Variants in MTCH1 observed in about 807,000 individuals in gnomAD.
MTCH1 encodes mitochondrial carrier 1.
MTCH1 carries 23 observed loss-of-function variants against 49.3 expected under a neutral mutation model. The ratio of observed to expected loss-of-function variants is 0.47; its 90% CI spans 0.34 to 0.66. MTCH1 has a LOEUF of 0.66. Among genes scored for constraint, MTCH1 ranks in the 30% least tolerant of loss-of-function variants. The pLI, the probability that MTCH1 is intolerant of heterozygous loss-of-function variation, is 0.01. For missense variants in MTCH1, 397 were observed against 532.1 expected (o/e 0.75, Z 2.50); for synonymous variants, 229 against 215.2 (o/e 1.06, Z -0.56).
chr6:36,976,590 G>C, intron 6 of MTCH1: 1 of 470,964 alleles, frequency 2.1e-6, no homozygotes, highest in Non-Finnish European at 4.4e-6. Context: ...TGGTGGCCCC[G>C]CAGGACAGCT....
rs1764152028 is a variant in MTCH1 at position 36,982,873 on chromosome 6, C to T, written c.322-1201G>A. Among the ~76,000 whole-genome samples, 2 of 152,210 alleles carry T rather than the reference C, an allele frequency of 1.3e-5. No homozygotes were observed. The highest frequency in any genetic ancestry group is 4.1e-4 in the South Asian group (2 of 4,830). ...CTTGGCAAGGGGCCAGGATACCAGCCCTGTGCCCTCTAAGCAGGCCAGCTG... is the reference window on the plus strand; with the variant it reads ...CTTGGCAAGGGGCCAGGATACCAGCTCTGTGCCCTCTAAGCAGGCCAGCTG... On this transcript the variant is annotated intron_variant, in intron 1 of 11. Coordinates refer to ENST00000373627, the MANE Select transcript of MTCH1 (RefSeq NM_001271641.2). This position sits in a 1 kb window ranked among gnomAD's most constrained non-coding sequence, Gnocchi z 4.1.
chr6:36,976,424 A>G (rs1561907582), intron 6 of MTCH1: 1 of 423,434 alleles, frequency 2.4e-6, no homozygotes, highest in Non-Finnish European at 5.0e-6. Flanking sequence ...AGATCATCCC[A>G]GCCCTGCCAG....
chr6:36,980,129 G>T (rs1331737215), intron 2 of MTCH1, among the ~76,000 whole-genome samples: 1 of 152,208 alleles, frequency 6.6e-6, no homozygotes, highest in Non-Finnish European at 1.5e-5. Context: ...TCCAGAGTAG[G>T]CCTGGTGTCC....
intron 8 of MTCH1, 110 bp from the exon 9 acceptor site, chr6:36,970,804 G>A (rs1193133867): frequency 2.5e-6 from 3 of 1,204,558 alleles, no homozygotes; most frequent in East Asian, 2.5e-5. Context: ...CAAGCACGCT[G>A]CACATGCCTT....
In MTCH1 at chr6:36,972,690, G is replaced by T. The variant is rs907261828; in HGVS notation, c.868C>A (p.Pro290Thr). The change falls in exon 8 of 12, where the codon CCA becomes ACA. Residue 290 changes from proline (P) to threonine (T), a missense_variant. Around this residue, in one of 2 missense-constraint regions of MTCH1, gnomAD observed 252 missense variants for 388.3 expected, o/e 0.65. Transcript: ENST00000373627. This position sits in a 1 kb window ranked among gnomAD's most constrained non-coding sequence, Gnocchi z 4.1. ...YLVDDSVSDT[P>T]GGLGNDQNPG... ...TTCTGGTCGTTTCCCAGCCCCCCTG[G>T]GGTGTCACTCACGCTGTCATCCACC... The T allele has an allele frequency of 1.3e-6, 2 of 1,551,628 alleles. No individual in the cohort carries two copies. Among genetic ancestry groups the T allele is most frequent in the Non-Finnish European group, 1.7e-6 (2 of 1,146,976 alleles).
intron 7 of MTCH1, among the ~76,000 whole-genome samples, chr6:36,973,486 T>TA (rs558142503): frequency 0.038 from 5,655 of 148,146 alleles, 282 homozygotes; most frequent in African/African-American, 0.11. Flanking sequence ...GTTTTTGAAT[T>TA]AAAAAAAAAA....
intron 1 of MTCH1, among the ~76,000 whole-genome samples, chr6:36,985,062 T>A (rs1764247615): frequency 7.4e-6 from 1 of 135,562 alleles, no homozygotes; most frequent in South Asian, 2.5e-4. Flanking sequence ...CCCCCAATGC[T>A]GGCCCTATCT....
rs776741124 is a variant in MTCH1, at chr6:36,972,686, C to G, written c.872G>C (p.Gly291Ala). The change falls in exon 8 of 12, where the codon GGG becomes GCG. Residue 291 changes from glycine (G) to alanine (A), a missense_variant. Gly to Ala is a moderately conservative substitution (Grantham distance 60, BLOSUM62 0). Around this residue, in one of 2 missense-constraint regions of MTCH1, gnomAD observed 252 missense variants for 388.3 expected, o/e 0.65. Transcript: ENST00000373627. The surrounding 1 kb of genome is among the most constrained non-coding windows in gnomAD (Gnocchi z 4.1). Reference protein sequence around the residue: ...LVDDSVSDTPGGLGNDQNPGS... With the variant: ...LVDDSVSDTPAGLGNDQNPGS... ...TGGATTCTGGTCGTTTCCCAGCCCC[C>G]CTGGGGTGTCACTCACGCTGTCATC... 11 of 1,551,738 alleles carry G rather than the reference C, an allele frequency of 7.1e-6. No individual in the cohort carries two copies. In the Admixed American group the frequency reaches 2.2e-4, roughly 30 times the overall value.
chr6:36,970,843 G>T, intron 8 of MTCH1, 149 bp from the exon 9 acceptor site: 1 of 901,118 alleles, frequency 1.1e-6, no homozygotes, highest in Non-Finnish European at 1.7e-6. Context: ...TCACTGCCCA[G>T]AGAAGGCCTG....
At chr6:36,978,242 A>C in intron 3 of MTCH1, 87 bp from the exon 4 acceptor site, 1 of 1,224,338 alleles carries the variant, frequency 8.2e-7, no homozygotes, top group Non-Finnish European at 1.2e-6. Context: ...ACCAGCTCCA[A>C]ATATTTCCTC....
chr6:36,981,822 C>T (rs570037051), intron 1 of MTCH1, 150 bp from the exon 2 acceptor site: 57 of 675,276 alleles, frequency 8.4e-5, no homozygotes, highest in African/African-American at 6.7e-4. Flanking sequence ...TCAAAGCATA[C>T]CAGAAAGCTC....
chr6:36,977,615 G>A lies in MTCH1; in HGVS notation c.649+19C>T, dbSNP rs1763931883. Reference sequence around the variant, plus strand: ...GACGCCAGCTTAGATACAGTCTCGGGGGAAGGGGGGTGGCTTACCATGCAG... The same window carrying A: ...GACGCCAGCTTAGATACAGTCTCGGAGGAAGGGGGGTGGCTTACCATGCAG... On this transcript the variant is annotated intron_variant, in intron 5 of 11. Coordinates refer to ENST00000373627, the MANE Select transcript of MTCH1 (RefSeq NM_001271641.2). This position sits in a 1 kb window ranked among gnomAD's most constrained non-coding sequence, Gnocchi z 5.4. 2.5e-6 allele frequency: 4 copies of A among 1,569,370 alleles called. No individual in the cohort carries two copies. Among genetic ancestry groups the A allele is most frequent in the South Asian group, 1.1e-5 (1 of 88,418 alleles).
chr6:36,973,731 C>T (rs1438326963), intron 7 of MTCH1, among the ~76,000 whole-genome samples: 1 of 152,200 alleles, frequency 6.6e-6, no homozygotes, highest in African/African-American at 2.4e-5. Flanking sequence ...TGCGGGAATC[C>T]TATTCAAACA....
intron 2 of MTCH1, among the ~76,000 whole-genome samples, chr6:36,980,905 A>G (rs1032694355): frequency 2.6e-5 from 4 of 152,234 alleles, no homozygotes; most frequent in Non-Finnish European, 4.4e-5. Context: ...GGTGATGGGC[A>G]GCAGAGGCAG....
At chr6:36,970,827 TCA>T in intron 8 of MTCH1, 133 bp from the exon 9 acceptor site, 2 of 1,009,230 alleles carry the variant, frequency 2.0e-6, no homozygotes. Flanking sequence ...CTGTCAGCCC[TCA>T]CAGTCACTGC....
intron 3 of MTCH1, 141 bp downstream of exon 3, chr6:36,978,363 TG>T: frequency 1.1e-6 from 1 of 895,460 alleles, no homozygotes. Flanking sequence ...AACTGTGGGG[TG>T]GGAGCTCCCC....
intron 1 of MTCH1, 104 bp downstream of exon 1, chr6:36,985,732 CGCCGTCCCCACCCCTCT>C: frequency 1.4e-6 from 1 of 697,694 alleles, no homozygotes; most frequent in Non-Finnish European, 2.2e-6. Flanking sequence ...CCCCCAAACC[CGCCGTCCCCACCCCTCT>C]CCCCAAATCC....
intron 6 of MTCH1, among the ~76,000 whole-genome samples, chr6:36,976,818 A>G (rs935433377): frequency 3.9e-5 from 6 of 152,176 alleles, no homozygotes; most frequent in Non-Finnish European, 5.9e-5. Context: ...ATAGGGGATA[A>G]AAAGAGCTAT....
intron 8 of MTCH1, among the ~76,000 whole-genome samples, chr6:36,971,322 T>C (rs1763677692): frequency 6.6e-6 from 1 of 152,170 alleles, no homozygotes; most frequent in African/African-American, 2.4e-5. Flanking sequence ...TTAAGCCACA[T>C]ACAGAAAAGC....
Sources: allele counts gnomAD v4.1 joint callset (sites outside exome capture counted in the v4.1 genomes callset), GRCh38; gene constraint gnomAD v4.1.1; regional missense constraint gnomAD v4.1.1; non-coding constraint Gnocchi (gnomAD v3.1); transcripts MANE v1.5; gene names NCBI Gene and HGNC (gene_info 2026-07-23, HGNC 2026-07-21).